Variants in ANKEF1 observed in about 807,000 individuals in gnomAD.
ANKEF1 encodes ankyrin repeat and EF-hand domain-containing protein 1.
In ANKEF1, 43 loss-of-function variants were observed where a neutral mutation model predicts 65.1. The observed-to-expected ratio is 0.66, with a 90% CI of 0.52 to 0.85. The LOEUF is 0.85. Among genes scored for constraint, ANKEF1 ranks in the 40% least tolerant of loss-of-function variants. The probability of loss-of-function intolerance (pLI) is 0.00; values close to 1 mark genes in which losing one functional copy is unlikely to be tolerated. For synonymous variants in ANKEF1, 316 were observed against 341.5 expected (o/e 0.93, Z 0.82); for missense variants, 934 against 952.9 (o/e 0.98, Z 0.26).
intron 9 of ANKEF1, 68 bp downstream of exon 9, chr20:10,053,343 A>G: frequency 7.7e-6 from 11 of 1,424,730 alleles, no homozygotes; most frequent in Non-Finnish European, 9.5e-6. Flanking sequence ...GGGAAGGCAG[A>G]AGCACTATTT....
chr20:10,038,711 T>C (rs1432876478), intron 3 of ANKEF1, 64 bp downstream of exon 3: 1 of 1,288,436 alleles, frequency 7.8e-7, no homozygotes, highest in African/African-American at 1.5e-5. Context: ...AGCAATAACA[T>C]GGACTCTTTT....
At chr20:10,035,905 A>G (rs1983815556) in intron 2 of ANKEF1, among the ~76,000 whole-genome samples, 1 of 152,202 alleles carries the variant, frequency 6.6e-6, no homozygotes, top group Non-Finnish European at 1.5e-5. Context: ...AAGTCAAGAC[A>G]TTCTGCTCTA....
chr20:10,038,225 A>G, intron 2 of ANKEF1, 33 bp from the exon 3 acceptor site: 1 of 908,030 alleles, frequency 1.1e-6, no homozygotes, highest in Non-Finnish European at 1.6e-6. Flanking sequence ...GATAAAATTA[A>G]CTTTGAGTTA....
intron 9 of ANKEF1, among the ~76,000 whole-genome samples, chr20:10,053,521 T>C (rs1984985588): frequency 6.6e-6 from 1 of 150,634 alleles, no homozygotes; most frequent in South Asian, 2.1e-4. Context: ...TTCAGCCAAA[T>C]ACAATTAGAA....
chr20:10,038,422 A>C lies in ANKEF1; in HGVS notation c.121A>C (p.Asn41His). The change falls in exon 3 of 11, where the codon AAT becomes CAT. Residue 41 changes from asparagine (N) to histidine (H), a missense_variant. Transcript: ENST00000378392. ...CAAGCTTGGATACCCTGAACTAATC[A>C]ATTATACAGAACCCATTAATGGACT... Reference protein sequence around the residue: ...LTKLGYPELINYTEPINGLSA... With the variant: ...LTKLGYPELIHYTEPINGLSA... 6.2e-7 allele frequency: 1 copy of C among 1,614,120 alleles called. No individual in the cohort carries two copies.
intron 7 of ANKEF1, 31 bp from the exon 8 acceptor site, chr20:10,051,632 T>G: frequency 6.5e-7 from 1 of 1,542,288 alleles, no homozygotes; most frequent in South Asian, 1.1e-5. Context: ...AAAACCGTAT[T>G]TTTAGTTTGT....
intron 5 of ANKEF1, 107 bp downstream of exon 5, chr20:10,044,650 G>A: frequency 9.7e-7 from 1 of 1,035,984 alleles, no homozygotes; most frequent in South Asian, 2.6e-5. Context: ...ACATTTTTCT[G>A]AGTTACCTAT....
Position 10,054,543 on chromosome 20 carries a change from T to G in ANKEF1, c.2116T>G (p.Ser706Ala), listed in dbSNP as rs764311825. The G allele has an allele frequency of 6.2e-6, 10 of 1,609,792 alleles. No homozygotes were observed. In the South Asian group the frequency reaches 1.1e-4, roughly 18 times the overall value. The change falls in exon 10 of 11, where the codon TCA (serine) becomes GCA (alanine). Residue 706 changes from serine (S) to alanine (A), a missense_variant. Physicochemically the swap from Ser to Ala is moderately conservative, Grantham distance 99. Transcript: ENST00000378392. ...VQKGNVVHLNSLITSGYTKKV... is the reference protein window; with the variant it reads ...VQKGNVVHLNALITSGYTKKV... ...GAAGGGTAATGTGGTTCATCTGAAT[T>G]CATTGATTACCAGTGGTTATACTAA...
At chr20:10,037,904 T>C (rs1019448785) in intron 2 of ANKEF1, among the ~76,000 whole-genome samples, 6 of 152,234 alleles carry the variant, frequency 3.9e-5, no homozygotes, top group Admixed American at 2.0e-4. Flanking sequence ...ATCTCTCTAT[T>C]TTGCTGGTGT....
intron 3 of ANKEF1, among the ~76,000 whole-genome samples, chr20:10,040,155 G>A (rs1219196424): frequency 6.6e-6 from 1 of 152,216 alleles, no homozygotes; most frequent in Non-Finnish European, 1.5e-5. Context: ...ACATAAGCTT[G>A]TTAGGATGGC....
intron 6 of ANKEF1, among the ~76,000 whole-genome samples, chr20:10,047,207 G>T (rs1270413467): frequency 6.6e-6 from 1 of 152,184 alleles, no homozygotes; most frequent in Non-Finnish European, 1.5e-5. Context: ...AAGGACCAGA[G>T]CCTGGGTCAT....
chr20:10,047,376 C>T (rs1984576750), intron 6 of ANKEF1, among the ~76,000 whole-genome samples: 1 of 152,220 alleles, frequency 6.6e-6, no homozygotes, highest in Non-Finnish European at 1.5e-5. Context: ...CCCAGTTTCA[C>T]AGCAGAAGTG....
Position 10,049,647 on chromosome 20 carries a change from G to T in ANKEF1, c.1078G>T (p.Val360Leu). 3 of 1,614,144 alleles carry T rather than the reference G, an allele frequency of 1.9e-6. No homozygotes were observed. The highest frequency in any genetic ancestry group is 2.5e-6 in the Non-Finnish European group (3 of 1,180,024). ...TGGAAGCATCAGCAAGAACGACTTCGTGATGGTGTTGGAGGAAAGGCAGGA... is the reference window on the plus strand; with the variant it reads ...TGGAAGCATCAGCAAGAACGACTTCTTGATGGTGTTGGAGGAAAGGCAGGA... ...GDGSISKNDF[V>L]MVLEERQDYA... Residue 360 changes from valine (V) to leucine (L), a missense_variant, in exon 7 of 11, where the codon GTG (valine) becomes TTG (leucine). Coordinates refer to ENST00000378392, the MANE Select transcript of ANKEF1 (RefSeq NM_022096.6).
At chr20:10,050,471 G>A (rs1984794491) in intron 7 of ANKEF1, among the ~76,000 whole-genome samples, 1 of 152,162 alleles carries the variant, frequency 6.6e-6, no homozygotes, top group Admixed American at 6.5e-5. Flanking sequence ...AAAAGTATGT[G>A]TTCATATTAC....
Position 10,049,613 on chromosome 20 carries a change from CA to C in ANKEF1, c.1045del (p.Arg349GlyfsTer12). On this transcript the variant is annotated frameshift_variant, in exon 7 of 11. Coordinates refer to ENST00000378392, the MANE Select transcript of ANKEF1 (RefSeq NM_022096.6). LOFTEE classifies it high-confidence loss of function. ...FLREAFAVLDRGDGSISKNDF... is the reference protein window; with the variant it reads ...FLREAFAVLDXGDGSISKNDF... ...TCCGGGAAGCCTTTGCGGTTTTAGA[CA>C]GGGGTGATGGAAGCATCAGCAAGAA... The C allele has an allele frequency of 6.2e-7, 1 of 1,614,036 alleles. No individual in the cohort carries two copies. The highest frequency in any genetic ancestry group is 8.5e-7 in the Non-Finnish European group (1 of 1,180,012).
Position 10,043,207 on chromosome 20 carries a change from T to C in ANKEF1, c.432T>C (p.Asn144=), listed in dbSNP as rs760386428. ...TTGAACATGGTGCAGATGTCAACAA[T>C]TCTACCTATGAAGGAAAGCCAATAT... ...IALEHGADVN[N]STYEGKPIFL... Residue 144 remains asparagine (N), a synonymous_variant, in exon 4 of 11, where the codon AAT becomes AAC. Coordinates refer to ENST00000378392, the MANE Select transcript of ANKEF1 (RefSeq NM_022096.6). 1 of 1,614,194 alleles carries C rather than the reference T, an allele frequency of 6.2e-7. No homozygotes were observed. Among genetic ancestry groups the C allele is most frequent in the South Asian group, 1.1e-5 (1 of 91,088 alleles).
chr20:10,051,300 A>G (rs1374320198), intron 7 of ANKEF1, among the ~76,000 whole-genome samples: 3 of 152,360 alleles, frequency 2.0e-5, no homozygotes, highest in Middle Eastern at 3.4e-3. Flanking sequence ...TAAATAATAC[A>G]TGGTAATATT....
chr20:10,053,901 C>T (rs562794992), intron 9 of ANKEF1, among the ~76,000 whole-genome samples: 1 of 152,272 alleles, frequency 6.6e-6, no homozygotes, highest in South Asian at 2.1e-4. Flanking sequence ...ATGGGAGTTA[C>T]TGAGACATCA....
At position 10,035,197 on chromosome 20, in the gene ANKEF1, C is replaced by T. The variant is rs73628094; in HGVS notation, c.-245C>T. Reference sequence around the variant, plus strand: ...CACGCCTGGGCGCCTCCGCCGGGCTCCGGGAGCCCAAGGTCGCGGCTGGGC... The same window carrying T: ...CACGCCTGGGCGCCTCCGCCGGGCTTCGGGAGCCCAAGGTCGCGGCTGGGC... On this transcript the variant is annotated 5_prime_UTR_variant, in exon 1 of 11. Transcript: ENST00000378392. 6.6e-6 allele frequency: 1 copy of T among 152,458 alleles called. No individual in the cohort carries two copies. Among genetic ancestry groups the T allele is most frequent in the East Asian group, 1.9e-4 (1 of 5,194 alleles). 9.4% of individuals were successfully genotyped at this position (152,458 alleles called of 1,614,324 possible). A position where few individuals can be genotyped will look rare whatever the true frequency, so the allele number is the denominator to read the frequency against.
Sources: allele counts gnomAD v4.1 joint callset (sites outside exome capture counted in the v4.1 genomes callset), GRCh38; gene constraint gnomAD v4.1.1; transcripts MANE v1.5; gene names NCBI Gene and HGNC (gene_info 2026-07-23, HGNC 2026-07-21).